SYMPK: variants seen among roughly 807,000 people sequenced by gnomAD.
SYMPK encodes the protein symplekin scaffold protein, also known as symplekin.
In SYMPK, 49 loss-of-function variants were observed where a neutral mutation model predicts 136.4. The ratio of observed to expected loss-of-function variants is 0.36; its 90% CI spans 0.29 to 0.46. The LOEUF (loss-of-function observed/expected upper bound fraction) is 0.46, where lower values mean the gene tolerates loss of function less well. SYMPK is among the 20% of genes least tolerant of loss of function. SYMPK has a pLI of 1.00. For synonymous variants in SYMPK, 766 were observed against 713.0 expected (o/e 1.07, Z -1.19); for missense variants, 1,365 against 1,690.0 (o/e 0.81, Z 3.37).
At chr19:45,859,776 T>A (rs1211808064) in intron 1 of SYMPK, among the ~76,000 whole-genome samples, 3 of 151,604 alleles carry the variant, frequency 2.0e-5, no homozygotes, top group Non-Finnish European at 4.4e-5. Flanking sequence ...GTGCAGGGGT[T>A]CATGCCTATA....
chr19:45,838,304 A>G (rs1010064569), intron 10 of SYMPK, among the ~76,000 whole-genome samples, 157 bp downstream of exon 10: 10 of 151,992 alleles, frequency 6.6e-5, no homozygotes, highest in African/African-American at 1.4e-4. Context: ...CACGCTTCCT[A>G]TACAGCCTGC....
intron 11 of SYMPK, among the ~76,000 whole-genome samples, chr19:45,833,255 T>C (rs1376348886): frequency 6.6e-6 from 1 of 151,722 alleles, no homozygotes; most frequent in Admixed American, 6.6e-5. Flanking sequence ...AAAAACCATA[T>C]GGCAAGCCAG....
rs149485173 is a variant in SYMPK at position 45,844,109 on chromosome 19, C to A, written c.768G>T (p.Ala256=). Residue 256 remains alanine (A), a synonymous_variant, in exon 8 of 27, where the codon GCG becomes GCT. Coordinates refer to ENST00000245934, the MANE Select transcript of SYMPK (RefSeq NM_004819.3). Reference sequence around the variant, plus strand: ...GGGCGATATTGGCAAGGGAGCCCAGCGCTGTGGTCAGGTTGATGGAGGAGA... The same window carrying A: ...GGGCGATATTGGCAAGGGAGCCCAGAGCTGTGGTCAGGTTGATGGAGGAGA... ...PAISSINLTT[A]LGSLANIARQ... 55 of 1,612,730 alleles carry A rather than the reference C, an allele frequency of 3.4e-5. No individual in the cohort carries two copies. Among genetic ancestry groups the A allele is most frequent in the Non-Finnish European group, 4.3e-5 (51 of 1,179,496 alleles).
intron 1 of SYMPK, among the ~76,000 whole-genome samples, chr19:45,856,593 G>A (rs1416439788): frequency 1.3e-5 from 2 of 152,130 alleles, no homozygotes; most frequent in Non-Finnish European, 2.9e-5. Context: ...GTAAACATTG[G>A]CTAAGTATAC....
intron 9 of SYMPK, 128 bp downstream of exon 9, chr19:45,842,122 C>T: frequency 7.0e-7 from 1 of 1,435,562 alleles, no homozygotes; most frequent in South Asian, 1.3e-5. Context: ...AGGTGTGAGC[C>T]ACTGTGCCTG....
At chr19:45,827,664 G>C in intron 15 of SYMPK, 41 bp from the exon 16 acceptor site, 1 of 1,568,724 alleles carries the variant, frequency 6.4e-7, no homozygotes, top group Non-Finnish European at 8.8e-7. Context: ...GCCCACCTGA[G>C]TGTGCCTCTG....
At chr19:45,841,792 C>G (rs1187097669) in intron 9 of SYMPK, among the ~76,000 whole-genome samples, 1 of 152,110 alleles carries the variant, frequency 6.6e-6, no homozygotes, top group East Asian at 1.9e-4. Flanking sequence ...GCTCCACACT[C>G]TACATAAAGC....
At chr19:45,840,233 T>C in intron 9 of SYMPK, among the ~76,000 whole-genome samples, 1 of 141,382 alleles carries the variant, frequency 7.1e-6, no homozygotes, top group Admixed American at 7.8e-5. Context: ...GAGAATCTCT[T>C]AAACCTGGGA....
intron 1 of SYMPK, among the ~76,000 whole-genome samples, chr19:45,857,175 A>G (rs1165676674): frequency 1.3e-5 from 2 of 151,778 alleles, no homozygotes; most frequent in East Asian, 2.0e-4. Context: ...TTGGGAGGCC[A>G]AGGCGGACGG....
intron 9 of SYMPK, among the ~76,000 whole-genome samples, chr19:45,840,677 A>C (rs939251405): frequency 2.0e-5 from 3 of 151,454 alleles, no homozygotes; most frequent in African/African-American, 7.3e-5. Flanking sequence ...AAAAAAAAAA[A>C]CAAACAAATA....
At chr19:45,839,786 TGCACCACTGCACTCCAGCCTGG>T (rs1203419936) in intron 9 of SYMPK, among the ~76,000 whole-genome samples, 1 of 150,212 alleles carries the variant, frequency 6.7e-6, no homozygotes, top group Non-Finnish European at 1.5e-5. Context: ...GAGCCAAGAT[TGCACCACTGCACTCCAGCCTGG>T]GCAACAGAGC....
chr19:45,817,863 C>T (rs1390005652), intron 23 of SYMPK, 96 bp downstream of exon 23: 32 of 1,299,814 alleles, frequency 2.5e-5, no homozygotes, highest in Non-Finnish European at 3.1e-5. Context: ...TGTCCTCCAC[C>T]GGGCTCCCTC....
At chr19:45,859,314 A>G (rs1028134453) in intron 1 of SYMPK, among the ~76,000 whole-genome samples, 5 of 149,010 alleles carry the variant, frequency 3.4e-5, no homozygotes, top group African/African-American at 9.9e-5. Flanking sequence ...AAAAAAAAAA[A>G]GGGCATGGTG....
At position 45,827,937 on chromosome 19, in the gene SYMPK, G is replaced by A. The variant is rs1193983688; in HGVS notation, c.1986-19C>T. 1.9e-6 allele frequency: 3 copies of A among 1,612,796 alleles called. No individual in the cohort carries two copies. Among genetic ancestry groups the A allele is most frequent in the Non-Finnish European group, 2.5e-6 (3 of 1,179,384 alleles). ...GAAGATCCTGCCAGAGATGGAGGGAGGGCCATGGCTGCAGAGGAAGAGGCC... is the reference window on the plus strand; with the variant it reads ...GAAGATCCTGCCAGAGATGGAGGGAAGGCCATGGCTGCAGAGGAAGAGGCC... On this transcript the variant is annotated intron_variant, in intron 14 of 26. Coordinates refer to ENST00000245934, the MANE Select transcript of SYMPK (RefSeq NM_004819.3).
intron 1 of SYMPK, among the ~76,000 whole-genome samples, chr19:45,858,439 C>G (rs767587525): frequency 6.6e-6 from 1 of 152,176 alleles, no homozygotes; most frequent in Non-Finnish European, 1.5e-5. Context: ...TCCTAGATAT[C>G]AGCACAACTC....
intron 11 of SYMPK, among the ~76,000 whole-genome samples, chr19:45,833,158 G>C (rs1232379985): frequency 6.6e-6 from 1 of 151,166 alleles, no homozygotes; most frequent in South Asian, 2.1e-4. Flanking sequence ...AGCCAAGAAA[G>C]TTCTGCTGCA....
chr19:45,851,877 A>AAAAC (rs1250991938), intron 5 of SYMPK, among the ~76,000 whole-genome samples: 4 of 152,220 alleles, frequency 2.6e-5, no homozygotes, highest in Non-Finnish European at 5.9e-5. Context: ...ACTCCGTCTC[A>AAAAC]AAACAAACAA....
intron 11 of SYMPK, among the ~76,000 whole-genome samples, chr19:45,833,224 A>G (rs544741150): frequency 7.3e-5 from 11 of 151,620 alleles, no homozygotes; most frequent in African/African-American, 2.7e-4. Context: ...ATAAATAAAA[A>G]TAAACAAACA....
intron 11 of SYMPK, among the ~76,000 whole-genome samples, chr19:45,834,148 C>T (rs567800102): frequency 4.6e-5 from 7 of 152,212 alleles, no homozygotes; most frequent in Non-Finnish European, 7.4e-5. Context: ...ATTAGCCGGG[C>T]GTGGTGGCAG....
Sources: allele counts gnomAD v4.1 joint callset (sites outside exome capture counted in the v4.1 genomes callset), GRCh38; gene constraint gnomAD v4.1.1; transcripts MANE v1.5; gene names NCBI Gene and HGNC (gene_info 2026-07-23, HGNC 2026-07-21).